LPP: variants seen among roughly 807,000 people sequenced by gnomAD.
LPP encodes the protein lipoma-preferred partner.
LPP carries 38 observed loss-of-function variants against 60.4 expected under a neutral mutation model. That is an observed-to-expected ratio of 0.63 (90% CI 0.49 to 0.83). The LOEUF (loss-of-function observed/expected upper bound fraction) is 0.83. Ranked by LOEUF, LPP falls within the 40% of genes least tolerant of loss-of-function variation. The pLI is 0.00. For synonymous variants in LPP, 328 were observed against 290.8 expected (o/e 1.13, Z -1.30); for missense variants, 902 against 783.6 (o/e 1.15, Z -1.80).
chr3:188,556,666 T>C (rs1005940368), intron 6 of LPP, among the ~76,000 whole-genome samples: 1 of 151,996 alleles, frequency 6.6e-6, no homozygotes, highest in African/African-American at 2.4e-5. Context: ...CTCATTATGA[T>C]CTAATTACTT....
At chr3:188,280,474 G>A (rs1741555594) in intron 2 of LPP, among the ~76,000 whole-genome samples, 1 of 152,178 alleles carries the variant, frequency 6.6e-6, no homozygotes, top group African/African-American at 2.4e-5. Flanking sequence ...ACGGCTACCA[G>A]TAATTTTGAG....
intron 2 of LPP, among the ~76,000 whole-genome samples, chr3:188,300,030 A>G (rs1749235027): frequency 6.6e-6 from 1 of 152,238 alleles, no homozygotes; most frequent in Admixed American, 6.5e-5. Flanking sequence ...CAGAACAGAC[A>G]TTTCTTTTTC....
chr3:188,641,792 A>G (rs111677966), intron 7 of LPP, among the ~76,000 whole-genome samples: 2 of 152,140 alleles, frequency 1.3e-5, no homozygotes, highest in African/African-American at 2.4e-5. Context: ...GTATAGACAC[A>G]ACACTTCTGT....
chr3:188,692,516 G>A (rs755543955), intron 7 of LPP, among the ~76,000 whole-genome samples: 35 of 152,140 alleles, frequency 2.3e-4, no homozygotes, highest in Non-Finnish European at 4.6e-4. Context: ...TAATTCAAAT[G>A]CCACCTTTTC....
At chr3:188,193,674 A>G (rs766104976) in intron 1 of LPP, among the ~76,000 whole-genome samples, 9 of 151,970 alleles carry the variant, frequency 5.9e-5, no homozygotes, top group Non-Finnish European at 1.2e-4. Context: ...ACTAGTTTTG[A>G]TGACTGCTTT....
intron 9 of LPP, among the ~76,000 whole-genome samples, chr3:188,862,717 A>AAAAAAAAAAAAAAAAAAAAAAAAAAAG: frequency 1.0e-5 from 1 of 100,346 alleles, no homozygotes; most frequent in Non-Finnish European, 2.0e-5. Context: ...CTAGACAAAA[A>AAAAAAAAAAAAAAAAAAAAAAAAAAAG]AATAAATAAA....
intron 2 of LPP, among the ~76,000 whole-genome samples, chr3:188,273,405 G>A (rs1210725792): frequency 1.3e-5 from 2 of 152,018 alleles, no homozygotes; most frequent in Non-Finnish European, 2.9e-5. Flanking sequence ...ATGGTGCCAG[G>A]CTTTGTAGTA....
At chr3:188,546,198 G>A (rs1826610730) in intron 6 of LPP, among the ~76,000 whole-genome samples, 1 of 152,120 alleles carries the variant, frequency 6.6e-6, no homozygotes, top group Non-Finnish European at 1.5e-5. Flanking sequence ...CAGCTCATAA[G>A]TGGCAGAGTT....
chr3:188,481,204 G>A (rs2149628148), intron 4 of LPP, among the ~76,000 whole-genome samples: 1 of 152,198 alleles, frequency 6.6e-6, no homozygotes, highest in Non-Finnish European at 1.5e-5. Flanking sequence ...CTCTCTCCAA[G>A]GGAACCATTT....
intron 8 of LPP, among the ~76,000 whole-genome samples, chr3:188,729,271 G>C (rs966346203): frequency 3.3e-5 from 5 of 152,220 alleles, no homozygotes; most frequent in Non-Finnish European, 5.9e-5. Context: ...GACAAGTAGT[G>C]GGACAAGGAA....
chr3:188,240,636 A>C (rs556537309), intron 2 of LPP, among the ~76,000 whole-genome samples: 3 of 152,312 alleles, frequency 2.0e-5, no homozygotes, highest in South Asian at 4.1e-4. Flanking sequence ...AAACTTTCAT[A>C]TAAAAAAGCG....
At chr3:188,401,844 G>A (rs1782320572) in intron 3 of LPP, among the ~76,000 whole-genome samples, 1 of 152,152 alleles carries the variant, frequency 6.6e-6, no homozygotes. Flanking sequence ...CTATAAGGAT[G>A]TATAACTTGA....
intron 3 of LPP, among the ~76,000 whole-genome samples, chr3:188,363,635 A>C (rs929420423): frequency 2.6e-5 from 4 of 152,140 alleles, no homozygotes; most frequent in South Asian, 2.1e-4. Flanking sequence ...GGCTGAGCGC[A>C]GTGGCTCAAG....
chr3:188,496,601 G>C (rs1449737500), intron 5 of LPP, among the ~76,000 whole-genome samples: 2 of 152,168 alleles, frequency 1.3e-5, no homozygotes, highest in African/African-American at 2.4e-5. Context: ...CCCAGGCAGG[G>C]ATGAAGCTCT....
chr3:188,740,961 G>T (rs1724193644), intron 8 of LPP, among the ~76,000 whole-genome samples: 1 of 151,790 alleles, frequency 6.6e-6, no homozygotes, highest in African/African-American at 2.4e-5. Context: ...CAAATTTGAG[G>T]CAAAAACATT....
chr3:188,752,792 A>G (rs963894394), intron 8 of LPP, among the ~76,000 whole-genome samples: 5 of 152,234 alleles, frequency 3.3e-5, no homozygotes, highest in African/African-American at 4.8e-5. Flanking sequence ...GGTGGAACAC[A>G]GAAGCATACA....
chr3:188,572,458 A>T lies in LPP; in HGVS notation c.430-36703A>T, dbSNP rs1238697256. On this transcript the variant is annotated intron_variant, in intron 6 of 11. Coordinates refer to ENST00000617246, the MANE Select transcript of LPP (RefSeq NM_001375462.1). The surrounding 1 kb of genome is among the most constrained non-coding windows in gnomAD (Gnocchi z 4.1). The stretch of plus-strand genomic sequence containing the variant: ...GGTAGAGGTTAATGTCGGTAGACAC[A>T]TTATTAGAGTTAAGGGTCCTAAGGC... 1.3e-5 allele frequency among the ~76,000 whole-genome samples: 2 copies of T among 152,066 alleles called. No individual in the cohort carries two copies. The highest frequency in any genetic ancestry group is 2.9e-5 in the Non-Finnish European group (2 of 68,012).
intron 7 of LPP, among the ~76,000 whole-genome samples, chr3:188,706,551 A>G (rs1270038733): frequency 6.6e-6 from 1 of 152,236 alleles, no homozygotes; most frequent in African/African-American, 2.4e-5. Context: ...ATAGGTACCA[A>G]TCAACCTTCT....
At chr3:188,756,307 C>T (rs111399867) in intron 8 of LPP, among the ~76,000 whole-genome samples, 19 of 152,316 alleles carry the variant, frequency 1.2e-4, no homozygotes, top group African/African-American at 4.6e-4. Flanking sequence ...AGTTCCCCAT[C>T]GGCTGCCGGC....
Sources: allele counts gnomAD v4.1 joint callset (sites outside exome capture counted in the v4.1 genomes callset), GRCh38; gene constraint gnomAD v4.1.1; non-coding constraint Gnocchi (gnomAD v3.1); transcripts MANE v1.5; gene names NCBI Gene and HGNC (gene_info 2026-07-23, HGNC 2026-07-21).